Variants in RBFOX3 observed in about 807,000 individuals in gnomAD.
RBFOX3 encodes RNA binding fox-1 homolog 3, also known as RNA binding protein fox-1 homolog 3.
RBFOX3 carries 17 observed loss-of-function variants against 48.7 expected under a neutral mutation model. The ratio of observed to expected loss-of-function variants is 0.35; its 90% CI spans 0.24 to 0.52. The LOEUF (loss-of-function observed/expected upper bound fraction) is 0.52. RBFOX3 is among the 20% of genes least tolerant of loss of function. The pLI, the probability that RBFOX3 is intolerant of heterozygous loss-of-function variation, is 0.94. For synonymous variants in RBFOX3, 212 were observed against 209.5 expected (o/e 1.01, Z -0.10); for missense variants, 382 against 497.5 (o/e 0.77, Z 2.21).
At chr17:79,261,013 G>A (rs920587818) in intron 3 of RBFOX3, among the ~76,000 whole-genome samples, 8 of 150,116 alleles carry the variant, frequency 5.3e-5, no homozygotes, top group Non-Finnish European at 7.4e-5. Flanking sequence ...TCCTGGGGCC[G>A]GGGCCTCTCC....
At chr17:79,631,272 A>T in the RBFOX3 span, among the ~76,000 whole-genome samples, 1 of 152,092 alleles carries the variant, frequency 6.6e-6, no homozygotes, top group African/African-American at 2.4e-5. Flanking sequence ...CATCTCAAGA[A>T]ATTCATCAGG....
At chr17:79,093,492 G>A (rs1279591081) in intron 14 of RBFOX3, among the ~76,000 whole-genome samples, 2 of 151,370 alleles carry the variant, frequency 1.3e-5, no homozygotes, top group African/African-American at 4.9e-5. Flanking sequence ...ACCCGCGCCT[G>A]TGGCTGCCCA....
chr17:79,536,678 T>C (rs1326967386), intron 1 of RBFOX3, among the ~76,000 whole-genome samples: 8 of 148,018 alleles, frequency 5.4e-5, no homozygotes, highest in Non-Finnish European at 1.1e-4. Flanking sequence ...CTTTGCAGAG[T>C]CCCACACTGT....
chr17:79,509,233 C>T (rs1429104766), intron 1 of RBFOX3, among the ~76,000 whole-genome samples: 3 of 152,160 alleles, frequency 2.0e-5, no homozygotes, highest in Non-Finnish European at 4.4e-5. Context: ...GTCCCCAAGG[C>T]GGCCTGGTCG....
intron 14 of RBFOX3, chr17:79,091,956 T>C: frequency 1.0e-6 from 1 of 985,422 alleles, no homozygotes; most frequent in Non-Finnish European, 1.2e-6. Context: ...ATATCGTCAA[T>C]AAAATTTAAT....
chr17:79,611,183 TTCTC>T (rs1196349028), upstream of RBFOX3, among the ~76,000 whole-genome samples: 157 of 41,420 alleles, frequency 3.8e-3, 9 homozygotes, highest in East Asian at 0.018. Context: ...TCCGCCCTCC[TTCTC>T]TCTCTCTCTC....
intron 2 of RBFOX3, among the ~76,000 whole-genome samples, chr17:79,353,893 G>T (rs944030695): frequency 2.0e-5 from 3 of 152,234 alleles, no homozygotes; most frequent in African/African-American, 7.2e-5. Context: ...GCTCCCTGAG[G>T]TCCCACCCCC....
chr17:79,156,431 A>C (rs2045820178), intron 4 of RBFOX3, among the ~76,000 whole-genome samples: 1 of 152,018 alleles, frequency 6.6e-6, no homozygotes, highest in Admixed American at 6.5e-5. Context: ...TGGCAGCCCC[A>C]CACACTGCGG....
intron 2 of RBFOX3, among the ~76,000 whole-genome samples, chr17:79,427,262 T>TA: frequency 6.6e-6 from 1 of 152,248 alleles, no homozygotes; most frequent in East Asian, 1.9e-4. Flanking sequence ...CCATTCCACA[T>TA]CACCCAGCAC....
the RBFOX3 span, among the ~76,000 whole-genome samples, chr17:79,617,682 A>G: frequency 6.6e-6 from 1 of 151,936 alleles, no homozygotes; most frequent in African/African-American, 2.4e-5. Flanking sequence ...AGGTGATCCT[A>G]TTTTTCTCCC....
At chr17:79,445,474 G>T (rs892336782) in intron 2 of RBFOX3, among the ~76,000 whole-genome samples, 1 of 152,120 alleles carries the variant, frequency 6.6e-6, no homozygotes, top group Admixed American at 6.5e-5. Context: ...CTCAGGACCC[G>T]CCTCGATTTC....
intron 2 of RBFOX3, among the ~76,000 whole-genome samples, chr17:79,431,918 A>G (rs1287187347): frequency 6.6e-6 from 1 of 152,226 alleles, no homozygotes; most frequent in Non-Finnish European, 1.5e-5. Context: ...TTATCTTCCC[A>G]AACTGAAATT....
intron 2 of RBFOX3, among the ~76,000 whole-genome samples, chr17:79,462,999 C>T (rs1486410177): frequency 6.8e-6 from 1 of 147,628 alleles, no homozygotes; most frequent in Non-Finnish European, 1.5e-5. Context: ...ACTGCCACTG[C>T]CACCTCCACC....
chr17:79,265,169 A>G (rs1467275062), intron 3 of RBFOX3, among the ~76,000 whole-genome samples: 1 of 152,210 alleles, frequency 6.6e-6, no homozygotes, highest in Non-Finnish European at 1.5e-5. Flanking sequence ...AACAGTTCCA[A>G]AGAACAAAAC....
At chr17:79,546,339 T>C (rs1401126109) in intron 1 of RBFOX3, among the ~76,000 whole-genome samples, 1 of 152,146 alleles carries the variant, frequency 6.6e-6, no homozygotes, top group Non-Finnish European at 1.5e-5. Context: ...ACAGTCTCCC[T>C]TTTCATCCAC....
chr17:79,654,765 G>A, the RBFOX3 span, among the ~76,000 whole-genome samples: 1 of 152,164 alleles, frequency 6.6e-6, no homozygotes, highest in South Asian at 2.1e-4. Context: ...TGGAACATCT[G>A]GGAATTCCAC....
At chr17:79,409,378 C>T (rs754894689) in intron 2 of RBFOX3, among the ~76,000 whole-genome samples, 29 of 152,212 alleles carry the variant, frequency 1.9e-4, no homozygotes, top group South Asian at 4.1e-4. Flanking sequence ...AGCGAGACGG[C>T]CGGGTTGTGT....
intron 1 of RBFOX3, among the ~76,000 whole-genome samples, chr17:79,508,412 G>A (rs1381755952): frequency 6.6e-6 from 1 of 152,140 alleles, no homozygotes; most frequent in African/African-American, 2.4e-5. Context: ...CTGCCTGCCC[G>A]AGGCTGGGCC....
At chr17:79,547,314 G>T (rs2090580494) in intron 1 of RBFOX3, among the ~76,000 whole-genome samples, 1 of 152,100 alleles carries the variant, frequency 6.6e-6, no homozygotes, top group African/African-American at 2.4e-5. Context: ...AGGCGTGGTG[G>T]CATGGTGGCG....
Sources: gnomAD v4.1 joint callset for allele counts (sites outside exome capture counted in the v4.1 genomes callset) on GRCh38, gnomAD v4.1.1 for gene constraint, MANE v1.5 for transcripts, NCBI Gene and HGNC (gene_info 2026-07-23, HGNC 2026-07-21) for gene names.